Variants in ARL17B observed in about 807,000 individuals in gnomAD.
The protein encoded by ARL17B is ARF like GTPase 17B, also known as ADP-ribosylation factor-like protein 17.
intron 4 of ARL17B, among the ~76,000 whole-genome samples, chr17:46,289,470 C>G (rs1407576362): frequency 2.6e-5 from 4 of 152,274 alleles, no homozygotes; most frequent in Admixed American, 2.6e-4. Context: ...TTGTACCCAG[C>G]CATAAGAATA....
intron 4 of ARL17B, chr17:46,275,481 C>A (rs749922594): frequency 1.4e-6 from 1 of 693,474 alleles, no homozygotes; most frequent in South Asian, 1.4e-5. Flanking sequence ...ATGCTTTATG[C>A]GGATGCCAAA....
chr17:46,334,836 G>A (rs1424122238), downstream of ARL17B: 2 of 135,572 alleles, frequency 1.5e-5, no homozygotes, highest in Admixed American at 1.5e-4. Flanking sequence ...AACTAGATCA[G>A]GCTGAATATT....
rs1273340447 is a variant in ARL17B at position 46,357,122 on chromosome 17, G to A, written c.148+1128C>T. Among the ~76,000 whole-genome samples the A allele has an allele frequency of 1.1e-4, 9 of 85,484 alleles. 1 individual carries two copies. Among genetic ancestry groups the A allele is most frequent in the African/African-American group, 1.5e-4 (3 of 19,806 alleles). 56.1% of individuals were successfully genotyped at this position (85,484 alleles called of 152,430 possible). ...CAGGAGGCGGAGGTTGTAGTGAGCC[G>A]AGATCGCGCCACTGTACTTCAGCCT... On this transcript the variant is annotated intron_variant, in intron 2 of 3. Transcript: ENST00000450673.
At chr17:46,311,623 A>T (rs1319217565) in intron 3 of ARL17B, among the ~76,000 whole-genome samples, 1 of 94,132 alleles carries the variant, frequency 1.1e-5, no homozygotes, top group African/African-American at 3.3e-5. Flanking sequence ...AAAAAAAAAA[A>T]CAGGCAAGAA....
chr17:46,280,569 CTTTTTTTT>C (rs56981193), intron 4 of ARL17B, among the ~76,000 whole-genome samples: 3 of 112,012 alleles, frequency 2.7e-5, no homozygotes, highest in African/African-American at 3.7e-5. Context: ...TGATAGCACA[CTTTTTTTT>C]TTTTTTTTTT....
chr17:46,281,888 C>T (rs1315637650), intron 4 of ARL17B, among the ~76,000 whole-genome samples: 1 of 152,222 alleles, frequency 6.6e-6, no homozygotes, highest in Non-Finnish European at 1.5e-5. Flanking sequence ...AGGTGATCCA[C>T]CCGCCTCGGC....
intron 4 of ARL17B, among the ~76,000 whole-genome samples, chr17:46,286,076 A>G (rs1385334327): frequency 6.6e-6 from 1 of 152,106 alleles, no homozygotes; most frequent in Non-Finnish European, 1.5e-5. Flanking sequence ...GACACCGATC[A>G]TGGCCAATAA....
chr17:46,280,330 C>T (rs1429008348), intron 4 of ARL17B, among the ~76,000 whole-genome samples: 1 of 152,010 alleles, frequency 6.6e-6, no homozygotes, highest in Non-Finnish European at 1.5e-5. Context: ...CACCACTGCA[C>T]TCCAGCCTGG....
intron 4 of ARL17B, among the ~76,000 whole-genome samples, chr17:46,278,092 G>T (rs1403228539): frequency 6.6e-6 from 1 of 152,006 alleles, no homozygotes; most frequent in Non-Finnish European, 1.5e-5. Context: ...ACTTACAGGC[G>T]TGCACCACCA....
chr17:46,284,758 T>C (rs1368108874), intron 4 of ARL17B, among the ~76,000 whole-genome samples: 1 of 152,256 alleles, frequency 6.6e-6, no homozygotes, highest in Non-Finnish European at 1.5e-5. Context: ...GATGTGATGT[T>C]AGATAACATT....
At chr17:46,277,532 A>G (rs1245256936) in intron 4 of ARL17B, among the ~76,000 whole-genome samples, 5 of 152,264 alleles carry the variant, frequency 3.3e-5, no homozygotes, top group Non-Finnish European at 7.3e-5. Context: ...GCTTATAATG[A>G]GAAGTTGTGC....
At chr17:46,279,633 G>A (rs1205515888) in intron 4 of ARL17B, among the ~76,000 whole-genome samples, 1 of 151,968 alleles carries the variant, frequency 6.6e-6, no homozygotes, top group East Asian at 1.9e-4. Context: ...GAGTAGCTGG[G>A]ATCATGGGTG....
chr17:46,280,569 CTTT>C (rs56981193), intron 4 of ARL17B, among the ~76,000 whole-genome samples: 18 of 111,992 alleles, frequency 1.6e-4, no homozygotes, highest in Middle Eastern at 7.4e-3. Flanking sequence ...TGATAGCACA[CTTT>C]TTTTTTTTTT....
intron 4 of ARL17B, among the ~76,000 whole-genome samples, chr17:46,280,570 T>TTTTTC (rs1555611519): frequency 5.8e-5 from 1 of 17,158 alleles, no homozygotes; most frequent in Non-Finnish European, 1.9e-4. Context: ...GATAGCACAC[T>TTTTTC]TTTTTTTTTT....
At chr17:46,316,679 C>A (rs1233565753) in intron 3 of ARL17B, among the ~76,000 whole-genome samples, 1 of 60,040 alleles carries the variant, frequency 1.7e-5, no homozygotes, top group East Asian at 3.2e-4. Flanking sequence ...TTGGCAGGGT[C>A]ATAGGACAAT....
chr17:46,330,990 C>G (rs752087224), downstream of ARL17B: 34 of 724,038 alleles, frequency 4.7e-5, 12 homozygotes, highest in Admixed American at 2.0e-4. Context: ...CCTTCGTTCA[C>G]CCAAGAGCAT....
At chr17:46,357,303 AGTTCAC>A in intron 2 of ARL17B, among the ~76,000 whole-genome samples, 2 of 100,194 alleles carry the variant, frequency 2.0e-5, no homozygotes, top group Non-Finnish European at 3.8e-5. Context: ...ATCTAGAGGC[AGTTCAC>A]AAGGCAAAGA....
intron 3 of ARL17B, among the ~76,000 whole-genome samples, chr17:46,340,621 C>T (rs2052492947): frequency 1.4e-5 from 1 of 72,242 alleles, no homozygotes; most frequent in African/African-American, 4.5e-5. Flanking sequence ...CGGTTGACTG[C>T]AACCTCTGCC....
At chr17:46,282,676 C>CT (rs2049801901) in intron 4 of ARL17B, among the ~76,000 whole-genome samples, 1 of 152,114 alleles carries the variant, frequency 6.6e-6, no homozygotes, top group Non-Finnish European at 1.5e-5. Context: ...CCCCACTCGG[C>CT]TTCCCAAAGT....
Sources: allele counts gnomAD v4.1 joint callset (sites outside exome capture counted in the v4.1 genomes callset), GRCh38; gene constraint gnomAD v4.1.1; transcripts MANE v1.5; gene names NCBI Gene and HGNC (gene_info 2026-07-23, HGNC 2026-07-21).